The following RARB variants were observed in gnomAD, a reference collection of about 807,000 sequenced individuals.
RARB encodes retinoic acid receptor beta, also known as HBV-activated protein.
RARB carries 17 observed loss-of-function variants against 51.9 expected under a neutral mutation model. The observed-to-expected ratio is 0.33, with a 90% confidence interval of 0.22 to 0.49. The LOEUF is 0.49. Among genes scored for constraint, RARB ranks in the 20% least tolerant of loss-of-function variants. The pLI, the probability that RARB is intolerant of heterozygous loss-of-function variation, is 0.99. For synonymous variants in RARB, 215 were observed against 195.4 expected, an observed-to-expected ratio of 1.10 and a Z score of -0.84; for missense variants, 369 against 550.8, an observed-to-expected ratio of 0.67 and a Z score of 3.30.
At chr3:25,134,899 T>C (rs974719509) in intron 4 of RARB, among the ~76,000 whole-genome samples, 1 of 152,000 alleles carries the variant, frequency 6.6e-6, no homozygotes, top group Non-Finnish European at 1.5e-5. Flanking sequence ...ACAGACTTTT[T>C]CCCCATGAGT....
chr3:25,077,858 G>A (rs182748995), intron 3 of RARB, among the ~76,000 whole-genome samples: 1 of 152,236 alleles, frequency 6.6e-6, no homozygotes. Context: ...GTGCATTATT[G>A]TGATTCTTCG....
At chr3:25,172,319 G>A (rs113080367) in intron 4 of RARB, among the ~76,000 whole-genome samples, 3 of 152,268 alleles carry the variant, frequency 2.0e-5, no homozygotes, top group Middle Eastern at 3.4e-3. Context: ...GAGCAGAGAA[G>A]GTGATTCAAA....
chr3:25,197,608 A>G (rs1299639211), intron 5 of RARB, among the ~76,000 whole-genome samples: 1 of 152,080 alleles, frequency 6.6e-6, no homozygotes, highest in East Asian at 1.9e-4. Context: ...TACAAAATCA[A>G]CCTACAAAAT....
At chr3:24,883,296 T>C (rs1703205215) in intron 2 of RARB, among the ~76,000 whole-genome samples, 1 of 151,970 alleles carries the variant, frequency 6.6e-6, no homozygotes, top group Non-Finnish European at 1.5e-5. Flanking sequence ...TCCTTTGATA[T>C]TCAGGGGTGA....
intron 2 of RARB, among the ~76,000 whole-genome samples, chr3:24,973,163 A>C (rs906409740): frequency 3.3e-5 from 5 of 152,040 alleles, no homozygotes; most frequent in African/African-American, 1.2e-4. Context: ...GTATAGTGAG[A>C]GATAAGGGCC....
chr3:24,907,381 G>A (rs1354372300), intron 2 of RARB, among the ~76,000 whole-genome samples: 3 of 152,120 alleles, frequency 2.0e-5, no homozygotes, highest in Non-Finnish European at 4.4e-5. Context: ...ACTTAGTATC[G>A]CTGGATTAGA....
intron 5 of RARB, among the ~76,000 whole-genome samples, chr3:25,342,711 C>A (rs1705266575): frequency 6.6e-6 from 1 of 152,206 alleles, no homozygotes; most frequent in Non-Finnish European, 1.5e-5. Flanking sequence ...CTGAACGCAG[C>A]CCTACCTATG....
chr3:25,511,771 A>T (rs1201217686), intron 3 of RARB, among the ~76,000 whole-genome samples: 1 of 152,076 alleles, frequency 6.6e-6, no homozygotes, highest in African/African-American at 2.4e-5. Context: ...CCTGCCGCTA[A>T]CCCTTCCTCA....
At chr3:25,355,177 T>C (rs1440869481) in intron 5 of RARB, among the ~76,000 whole-genome samples, 3 of 152,148 alleles carry the variant, frequency 2.0e-5, no homozygotes, top group African/African-American at 7.2e-5. Context: ...TGTTTTTAAA[T>C]AAATCTGAGT....
intron 3 of RARB, among the ~76,000 whole-genome samples, chr3:25,542,622 A>G (rs1273665201): frequency 6.6e-6 from 1 of 152,226 alleles, no homozygotes; most frequent in Admixed American, 6.5e-5. Flanking sequence ...AAAATACAAA[A>G]TTTTATGTAA....
At chr3:24,848,262 T>A (rs922622454) in intron 1 of RARB, among the ~76,000 whole-genome samples, 4 of 152,152 alleles carry the variant, frequency 2.6e-5, no homozygotes, top group Non-Finnish European at 5.9e-5. Context: ...GTTTTTGCCA[T>A]GTTGCCCAGA....
At chr3:25,146,660 G>A (rs759063453) in intron 4 of RARB, among the ~76,000 whole-genome samples, 6 of 151,038 alleles carry the variant, frequency 4.0e-5, no homozygotes, top group South Asian at 4.3e-4. Context: ...GCCTGCCACC[G>A]CGCCCGGCTA....
Position 25,325,820 on chromosome 3 carries a change from C to T in RARB, c.179-135373C>T, listed in dbSNP as rs371277726. Among the ~76,000 whole-genome samples the T allele has an allele frequency of 3.2e-5, 3 of 92,562 alleles. No individual in the cohort carries two copies. The East Asian group carries it at 8.2e-4, about 25-fold the overall frequency. 60.7% of individuals were successfully genotyped at this position (92,562 alleles called of 152,430 possible). Reference sequence around the variant, plus strand: ...GGGAAGCCAAAAACAAAGTGGGGGGCGGGGGGAAGAAAGAGCTTTTGGAAA... The same window carrying T: ...GGGAAGCCAAAAACAAAGTGGGGGGTGGGGGGAAGAAAGAGCTTTTGGAAA... On this transcript the variant is annotated intron_variant, in intron 5 of 11. Coordinates refer to the RARB transcript ENST00000383772.
At chr3:24,835,329 A>T (rs1702330633) in intron 1 of RARB, among the ~76,000 whole-genome samples, 1 of 152,150 alleles carries the variant, frequency 6.6e-6, no homozygotes, top group African/African-American at 2.4e-5. Flanking sequence ...CCCTTTTCCA[A>T]TACTGTTGTT....
intron 3 of RARB, among the ~76,000 whole-genome samples, chr3:25,530,027 G>A (rs917758073): frequency 2.0e-5 from 3 of 151,866 alleles, no homozygotes; most frequent in Non-Finnish European, 2.9e-5. Context: ...CCACGGACCC[G>A]TGGCTGCCTC....
At chr3:25,525,227 C>G (rs945914600) in intron 3 of RARB, among the ~76,000 whole-genome samples, 2 of 152,142 alleles carry the variant, frequency 1.3e-5, no homozygotes, top group African/African-American at 4.8e-5. Flanking sequence ...AAAGAAAATT[C>G]TCAGAATGCT....
intron 5 of RARB, among the ~76,000 whole-genome samples, chr3:25,315,081 C>A (rs1316786388): frequency 6.6e-6 from 1 of 152,094 alleles, no homozygotes; most frequent in Non-Finnish European, 1.5e-5. Context: ...GTGTAGGTAC[C>A]ACATTTTCTT....
intron 5 of RARB, among the ~76,000 whole-genome samples, chr3:25,242,280 A>G (rs150915364): frequency 6.6e-6 from 1 of 151,722 alleles, no homozygotes; most frequent in Non-Finnish European, 1.5e-5. Flanking sequence ...ATGGTAGTTT[A>G]TTTTGCCGTG....
In RARB at chr3:24,884,546, T is replaced by C. The variant is rs141046772; in HGVS notation, c.-380+25794T>C. 6.9e-3 allele frequency among the ~76,000 whole-genome samples: 1,046 copies of C among 152,308 alleles called. 12 individuals carry two copies. The highest frequency in any genetic ancestry group is 0.019 in the South Asian group (91 of 4,828). On this transcript the variant is annotated intron_variant, in intron 2 of 11. Transcript: ENST00000383772. ...TAAAATAGCAGTGGCATAGTAATGGTAGATTTTGGCTGGATTTTTAAAAAT... is the reference window on the plus strand; with the variant it reads ...TAAAATAGCAGTGGCATAGTAATGGCAGATTTTGGCTGGATTTTTAAAAAT...
Sources: allele counts gnomAD v4.1 joint callset (sites outside exome capture counted in the v4.1 genomes callset), GRCh38; gene constraint gnomAD v4.1.1; transcripts MANE v1.5; gene names NCBI Gene and HGNC (gene_info 2026-07-23, HGNC 2026-07-21).